SLC4A4: variants seen among roughly 807,000 people sequenced by gnomAD.
SLC4A4 encodes electrogenic sodium bicarbonate cotransporter 1.
In SLC4A4, 27 loss-of-function variants were observed where a neutral mutation model predicts 111.5. The observed-to-expected ratio is 0.24, with a 90% CI of 0.18 to 0.33. The LOEUF (loss-of-function observed/expected upper bound fraction) is 0.33, where lower values mean the gene tolerates loss of function less well. Among genes scored for constraint, SLC4A4 ranks in the 10% least tolerant of loss-of-function variants. The probability of loss-of-function intolerance (pLI) is 1.00; values close to 1 mark genes in which losing one functional copy is unlikely to be tolerated. For missense variants in SLC4A4, 909 were observed against 1,315.5 expected, an observed-to-expected ratio of 0.69 and a Z score of 4.78; for synonymous variants, 443 against 463.4, an observed-to-expected ratio of 0.96 and a Z score of 0.57.
intron 2 of SLC4A4, among the ~76,000 whole-genome samples, chr4:71,245,456 T>A (rs1298030856): frequency 6.6e-6 from 1 of 151,964 alleles, no homozygotes; most frequent in Non-Finnish European, 1.5e-5. Flanking sequence ...ACAAAAAAGA[T>A]GGAGACAAAT....
At chr4:71,193,358 A>T (rs537877883) in intron 1 of SLC4A4, among the ~76,000 whole-genome samples, 9 of 152,146 alleles carry the variant, frequency 5.9e-5, no homozygotes, top group East Asian at 5.8e-4. Flanking sequence ...ACAGGGTTTC[A>T]CCGTGTTAGC....
rs1179726214 is a variant in SLC4A4, at chr4:71,568,196, G to A, written c.*445G>A. 8.5e-6 allele frequency: 2 copies of A among 236,500 alleles called. No individual in the cohort carries two copies. The highest frequency in any genetic ancestry group is 6.6e-5 in the South Asian group (1 of 15,264). The allele number at this position is 236,500 out of a possible 1,614,324, so 14.7% of individuals were successfully genotyped here. On this transcript the variant is annotated 3_prime_UTR_variant, in exon 26 of 26. Transcript: ENST00000264485. ...CTGTCCTTTGCCTCTATTAAGCAGA[G>A]GATGGAAGTATTAAGGATTTTGTAA...
intron 8 of SLC4A4, among the ~76,000 whole-genome samples, chr4:71,446,349 A>C (rs1725227963): frequency 6.6e-6 from 1 of 152,180 alleles, no homozygotes; most frequent in Non-Finnish European, 1.5e-5. Flanking sequence ...TACCATAAAA[A>C]TCTTACCTAA....
At chr4:71,539,083 A>G (rs1189826645) in intron 18 of SLC4A4, among the ~76,000 whole-genome samples, 2 of 152,056 alleles carry the variant, frequency 1.3e-5, no homozygotes, top group Non-Finnish European at 2.9e-5. Flanking sequence ...TTGCTCTGAT[A>G]TCTTTTATGG....
chr4:71,068,748 G>A (rs1741596369), intron 1 of SLC4A4, among the ~76,000 whole-genome samples: 1 of 151,824 alleles, frequency 6.6e-6, no homozygotes. Context: ...TTTTTTTGTA[G>A]AGACGAGGGG....
intron 1 of SLC4A4, among the ~76,000 whole-genome samples, chr4:71,217,477 T>A (rs1381621042): frequency 6.6e-6 from 1 of 152,086 alleles, no homozygotes; most frequent in Non-Finnish European, 1.5e-5. Flanking sequence ...ACAGGAGAAT[T>A]GCTTGAACCT....
intron 2 of SLC4A4, among the ~76,000 whole-genome samples, chr4:71,172,188 A>G (rs1368628281): frequency 6.6e-6 from 1 of 152,198 alleles, no homozygotes; most frequent in Admixed American, 6.5e-5. Flanking sequence ...TCAATAATTC[A>G]AAAACAATCT....
chr4:71,255,079 T>G (rs1184707154), intron 2 of SLC4A4, 141 bp from the exon 3 acceptor site: 1 of 865,988 alleles, frequency 1.2e-6, no homozygotes, highest in African/African-American at 1.7e-5. Flanking sequence ...GGGAGGAAAT[T>G]TTATTTTTCT....
intron 3 of SLC4A4, among the ~76,000 whole-genome samples, chr4:71,274,893 T>A (rs984577571): frequency 1.1e-4 from 16 of 152,214 alleles, no homozygotes; most frequent in African/African-American, 3.9e-4. Context: ...TTGCCAGACC[T>A]TCTCCAAATA....
chr4:71,275,138 G>C (rs1722979212), intron 3 of SLC4A4, among the ~76,000 whole-genome samples: 1 of 152,128 alleles, frequency 6.6e-6, no homozygotes, highest in Non-Finnish European at 1.5e-5. Flanking sequence ...GCCACAGCAG[G>C]AGTGAACCCA....
chr4:71,190,273 G>T (rs1745667005), intron 1 of SLC4A4, among the ~76,000 whole-genome samples: 1 of 152,036 alleles, frequency 6.6e-6, no homozygotes, highest in East Asian at 1.9e-4. Flanking sequence ...AAAATATGCT[G>T]CTGTTCTTCT....
intron 7 of SLC4A4, 132 bp downstream of exon 7, chr4:71,397,785 T>C (rs1390704229): frequency 8.9e-6 from 7 of 787,756 alleles, no homozygotes; most frequent in African/African-American, 1.7e-5. Context: ...TGCACTTTCC[T>C]GGGCAGAAGG....
intron 3 of SLC4A4, among the ~76,000 whole-genome samples, chr4:71,262,562 A>T: frequency 6.6e-6 from 1 of 152,130 alleles, no homozygotes; most frequent in East Asian, 1.9e-4. Context: ...CCATGCACTG[A>T]GCGCTGTTGG....
intron 2 of SLC4A4, among the ~76,000 whole-genome samples, chr4:71,137,630 T>C (rs951980417): frequency 2.0e-5 from 3 of 152,206 alleles, no homozygotes; most frequent in African/African-American, 7.2e-5. Context: ...GCAAATTTCA[T>C]GGACAGCCAA....
chr4:71,570,453 G>A lies in SLC4A4; in HGVS notation c.*2702G>A, dbSNP rs1242790220. 4.6e-5 allele frequency: 7 copies of A among 152,184 alleles called. No individual in the cohort carries two copies. Among genetic ancestry groups the A allele is most frequent in the African/African-American group, 1.7e-4 (7 of 41,378 alleles). The allele number at this position is 152,184 out of a possible 1,614,324, so 9.4% of individuals were successfully genotyped here. Reference sequence around the variant, plus strand: ...ACCAAACTAACAAGCAAAACCTGAGGTTTACCTAGTGACACCAAATTATCG... The same window carrying A: ...ACCAAACTAACAAGCAAAACCTGAGATTTACCTAGTGACACCAAATTATCG... On this transcript the variant is annotated 3_prime_UTR_variant, in exon 26 of 26. Transcript: ENST00000264485.
intron 16 of SLC4A4, among the ~76,000 whole-genome samples, chr4:71,509,371 T>A (rs1731704705): frequency 6.6e-6 from 1 of 151,876 alleles, no homozygotes; most frequent in Admixed American, 6.6e-5. Context: ...GAAATAGTCA[T>A]TTTTTAAAAT....
At chr4:71,138,290 T>C (rs1291275190) in intron 2 of SLC4A4, among the ~76,000 whole-genome samples, 7 of 152,314 alleles carry the variant, frequency 4.6e-5, no homozygotes, top group East Asian at 1.9e-4. Context: ...ATCAATTTTT[T>C]TTAATATTAG....
chr4:71,562,841 G>A (rs1250390783), intron 23 of SLC4A4, among the ~76,000 whole-genome samples: 1 of 151,388 alleles, frequency 6.6e-6, no homozygotes, highest in Non-Finnish European at 1.5e-5. Flanking sequence ...AAAGGATACT[G>A]TTGTTCATTA....
intron 3 of SLC4A4, among the ~76,000 whole-genome samples, chr4:71,274,611 C>T (rs1013623071): frequency 6.6e-6 from 1 of 152,152 alleles, no homozygotes; most frequent in African/African-American, 2.4e-5. Context: ...TTATCAGGCT[C>T]TGTAGAATTT....
Sources: gnomAD v4.1 joint callset for allele counts (sites outside exome capture counted in the v4.1 genomes callset) on GRCh38, gnomAD v4.1.1 for gene constraint, MANE v1.5 for transcripts, NCBI Gene and HGNC (gene_info 2026-07-23, HGNC 2026-07-21) for gene names.